The following RGPD4 variants were observed in gnomAD, a reference collection of about 807,000 sequenced individuals.
RGPD4 encodes ranBP2-like and GRIP domain-containing protein 4.
Under a neutral mutation model 141.1 loss-of-function variants are expected in RGPD4, and 84 were observed. The ratio of observed to expected loss-of-function variants is 0.60; its 90% confidence interval spans 0.50 to 0.71. The LOEUF is 0.71. Among genes scored for constraint, RGPD4 ranks in the 30% least tolerant of loss-of-function variants. The pLI is 0.00. For synonymous variants in RGPD4, 298 were observed against 566.8 expected (o/e 0.53, Z 6.74); for missense variants, 918 against 1,622.4 (o/e 0.57, Z 7.46).
chr2:107,829,696 C>T (rs963093596), intron 1 of RGPD4, among the ~76,000 whole-genome samples: 70 of 152,242 alleles, frequency 4.6e-4, no homozygotes, highest in African/African-American at 1.6e-3. Context: ...GGGACCGCGG[C>T]GGGCGGGAGA....
chr2:107,874,945 A>T (rs1174138989), intron 20 of RGPD4, among the ~76,000 whole-genome samples: 1 of 145,676 alleles, frequency 6.9e-6, no homozygotes, highest in Admixed American at 6.8e-5. Context: ...TTGTAAAAGG[A>T]AGGGCACTGG....
chr2:107,878,116 T>G (rs367864716), intron 20 of RGPD4, among the ~76,000 whole-genome samples: 24,421 of 148,624 alleles, frequency 0.16, 1,545 homozygotes, highest in Middle Eastern at 0.23. Context: ...CCGGCCTTGA[T>G]GACTAAATTT....
intron 21 of RGPD4, among the ~76,000 whole-genome samples, chr2:107,882,130 T>G (rs576920991): frequency 6.6e-6 from 1 of 152,004 alleles, no homozygotes; most frequent in East Asian, 1.9e-4. Flanking sequence ...AGCTTTCAAC[T>G]CCAATTTCCA....
At position 107,880,089 on chromosome 2, in the gene RGPD4, C is replaced by T; in HGVS notation, c.5046C>T (p.Val1682=). The T allele has an allele frequency of 6.2e-7, 1 of 1,611,312 alleles. No homozygotes were observed. The highest frequency in any genetic ancestry group is 1.1e-5 in the South Asian group (1 of 90,982). ...LLREAEATSA[V]LMEQIKLLKS... ...GGGAAGCAGAGGCAACCAGTGCAGT[C>T]CTTATGGAGCAAATTAAGGTGAGAT... Residue 1682 remains valine (V), a synonymous_variant, in exon 21 of 23, where the codon GTC becomes GTT. Transcript: ENST00000408999.
Position 107,879,999 on chromosome 2 carries a change from A to C in RGPD4, c.4956A>C (p.Lys1652Asn). 1 of 1,611,006 alleles carries C rather than the reference A, an allele frequency of 6.2e-7. No individual in the cohort carries two copies. Among genetic ancestry groups the C allele is most frequent in the Non-Finnish European group, 8.5e-7 (1 of 1,179,434 alleles). Reference sequence around the variant, plus strand: ...CATTATGGCATGCTGAATTTACCAAAGAAGAATTGGTTCAGAAGCTCAGTT... The same window carrying C: ...CATTATGGCATGCTGAATTTACCAACGAAGAATTGGTTCAGAAGCTCAGTT... The part of the protein sequence containing the change: ...EPPLWHAEFT[K>N]EELVQKLSST... Residue 1652 changes from lysine to asparagine, a missense_variant, in exon 21 of 23, where the codon AAA becomes AAC. Transcript: ENST00000408999.
chr2:107,878,569 T>TG (rs1442944311), intron 20 of RGPD4, among the ~76,000 whole-genome samples: 3 of 150,602 alleles, frequency 2.0e-5, no homozygotes, highest in Non-Finnish European at 4.4e-5. Context: ...TATGCTTTTT[T>TG]GGGCTGCTCC....
intron 1 of RGPD4, among the ~76,000 whole-genome samples, chr2:107,831,078 G>A (rs965569428): frequency 3.0e-4 from 35 of 114,844 alleles, no homozygotes; most frequent in Non-Finnish European, 5.6e-4. Context: ...TCGGTAGGCT[G>A]AGACAGGAGA....
rs1193875142 is a variant in RGPD4 at position 107,882,791 on chromosome 2, AAGAG to A, written c.5190_5193del (p.Glu1730AspfsTer6). The A allele has an allele frequency of 6.2e-7, 1 of 1,611,234 alleles. No individual in the cohort carries two copies. The highest frequency in any genetic ancestry group is 2.2e-5 in the East Asian group (1 of 44,876). On this transcript the variant is annotated frameshift_variant, in exon 22 of 23. Transcript: ENST00000408999. LOFTEE classifies it high-confidence loss of function. Reference sequence around the variant, plus strand: ...TCATTTTCTTGAAGCCAGGTAGTGAAAGAGAGAGACTTCTTCCTGTTATAAATAC... The same window carrying A: ...TCATTTTCTTGAAGCCAGGTAGTGAAAGAGACTTCTTCCTGTTATAAATAC...
intron 1 of RGPD4, among the ~76,000 whole-genome samples, chr2:107,832,872 A>C: frequency 7.0e-6 from 1 of 142,770 alleles, no homozygotes; most frequent in African/African-American, 2.6e-5. Flanking sequence ...CATTTCTTTC[A>C]GTTCTGTAGC....
intron 9 of RGPD4, among the ~76,000 whole-genome samples, chr2:107,857,628 T>A (rs1439321512): frequency 6.6e-6 from 1 of 151,308 alleles, no homozygotes; most frequent in East Asian, 1.9e-4. Flanking sequence ...AGAGACAGGG[T>A]CTCCCTTTGT....
intron 22 of RGPD4, among the ~76,000 whole-genome samples, chr2:107,885,299 A>G (rs913541418): frequency 1.3e-5 from 2 of 152,198 alleles, no homozygotes; most frequent in Non-Finnish European, 2.9e-5. Context: ...TATAGTTATA[A>G]AATTAACCAG....
At chr2:107,887,969 G>GT (rs1295869552) in intron 22 of RGPD4, among the ~76,000 whole-genome samples, 3 of 75,516 alleles carry the variant, frequency 4.0e-5, no homozygotes, top group African/African-American at 1.9e-4. Context: ...TCTGAATATT[G>GT]TCACTTGTAC....
intron 22 of RGPD4, among the ~76,000 whole-genome samples, chr2:107,888,512 G>T (rs1349784263): frequency 6.6e-6 from 1 of 151,482 alleles, no homozygotes; most frequent in East Asian, 1.9e-4. Context: ...CTTTCTAGAA[G>T]TTCTTCAGAT....
chr2:107,885,811 G>A (rs1273015615), intron 22 of RGPD4, among the ~76,000 whole-genome samples: 1 of 151,962 alleles, frequency 6.6e-6, no homozygotes, highest in African/African-American at 2.4e-5. Flanking sequence ...CCAGCACTTT[G>A]GGAGGCTGAG....
At chr2:107,829,582 G>C (rs1172798244) in intron 1 of RGPD4, among the ~76,000 whole-genome samples, 3 of 149,604 alleles carry the variant, frequency 2.0e-5, no homozygotes, top group South Asian at 2.1e-4. Flanking sequence ...AGGCGTCATG[G>C]CTCCCGACGG....
At chr2:107,880,515 G>T (rs1396571749) in intron 21 of RGPD4, among the ~76,000 whole-genome samples, 1 of 151,566 alleles carries the variant, frequency 6.6e-6, no homozygotes, top group Non-Finnish European at 1.5e-5. Context: ...CACCTGCCTT[G>T]GCCTCCCAAA....
intron 20 of RGPD4, among the ~76,000 whole-genome samples, chr2:107,878,253 G>A (rs545064815): frequency 4.0e-5 from 6 of 151,534 alleles, no homozygotes; most frequent in Non-Finnish European, 7.4e-5. Flanking sequence ...AATAGATTTT[G>A]AACAATCTCA....
In RGPD4 at chr2:107,872,694, T is replaced by C. The variant is rs1201645949; in HGVS notation, c.4690T>C (p.Ser1564Pro). 1 of 1,611,358 alleles carries C rather than the reference T, an allele frequency of 6.2e-7. No individual in the cohort carries two copies. The highest frequency in any genetic ancestry group is 1.3e-5 in the African/African-American group (1 of 74,374). Reference protein sequence around the residue: ...KSKPFAFGNSSATGSLFGFSF... With the variant: ...KSKPFAFGNSPATGSLFGFSF... The stretch of plus-strand genomic sequence containing the variant: ...AAAACCATTTGCATTTGGCAACAGT[T>C]CTGCCACTGGGTCTTTGTTTGGATT... Residue 1564 changes from serine (S) to proline (P), a missense_variant, in exon 20 of 23, where the codon TCT becomes CCT. Coordinates refer to ENST00000408999, the MANE Select transcript of RGPD4 (RefSeq NM_182588.3).
chr2:107,878,440 A>G (rs1683156666), intron 20 of RGPD4, among the ~76,000 whole-genome samples: 1 of 150,926 alleles, frequency 6.6e-6, no homozygotes, highest in African/African-American at 2.4e-5. Flanking sequence ...CAGCACATAC[A>G]CACAGTCTTT....
Sources: gnomAD v4.1 joint callset for allele counts (sites outside exome capture counted in the v4.1 genomes callset) on GRCh38, gnomAD v4.1.1 for gene constraint, MANE v1.5 for transcripts, NCBI Gene and HGNC (gene_info 2026-07-23, HGNC 2026-07-21) for gene names.